Variants in SRSF9 observed in about 807,000 individuals in gnomAD.
The protein encoded by SRSF9 is serine/arginine-rich splicing factor 9.
Under a neutral mutation model 25.9 loss-of-function variants are expected in SRSF9, and 3 were observed. The ratio of observed to expected loss-of-function variants is 0.12; its 90% CI spans 0.05 to 0.30. SRSF9 has a LOEUF of 0.30. Ranked by LOEUF, SRSF9 falls within the 10% of genes least tolerant of loss-of-function variation. The probability of loss-of-function intolerance (pLI) is 1.00; values close to 1 mark genes in which losing one functional copy is unlikely to be tolerated. For missense variants in SRSF9, 161 were observed against 303.5 expected, an observed-to-expected ratio of 0.53 and a Z score of 3.49; for synonymous variants, 114 against 113.2, an observed-to-expected ratio of 1.01 and a Z score of -0.05.
At chr12:120,466,776 TC>T (rs1471893395) in intron 1 of SRSF9, among the ~76,000 whole-genome samples, 1 of 152,134 alleles carries the variant, frequency 6.6e-6, no homozygotes, top group East Asian at 1.9e-4. Context: ...GCTCAGGCGA[TC>T]CTTCCCCTCA....
At chr12:120,466,601 A>AG (rs1189957441) in intron 1 of SRSF9, among the ~76,000 whole-genome samples, 1 of 151,936 alleles carries the variant, frequency 6.6e-6, no homozygotes, top group Non-Finnish European at 1.5e-5. Context: ...CAGTGGCTGG[A>AG]GCATAACTCA....
intron 1 of SRSF9, among the ~76,000 whole-genome samples, chr12:120,467,748 G>A (rs1878512763): frequency 6.6e-6 from 1 of 151,520 alleles, no homozygotes; most frequent in East Asian, 2.0e-4. Flanking sequence ...AGATGACAAT[G>A]TAGCGTATCA....
intron 1 of SRSF9, among the ~76,000 whole-genome samples, chr12:120,468,469 CTT>C (rs1267138585): frequency 3.3e-5 from 5 of 152,316 alleles, no homozygotes; most frequent in Admixed American, 1.3e-4. Flanking sequence ...AGAGTCGACT[CTT>C]CAGCCATCAA....
In SRSF9 at chr12:120,463,960, C is replaced by A; in HGVS notation, c.512G>T (p.Arg171Leu). 6.2e-7 allele frequency: 1 copy of A among 1,609,172 alleles called. No individual in the cohort carries two copies. The highest frequency in any genetic ancestry group is 8.5e-7 in the Non-Finnish European group (1 of 1,177,442). Residue 171 changes from arginine to leucine, a missense_variant, in exon 3 of 4, where the codon CGC (arginine) becomes CTC (leucine). Arg to Leu is a moderately radical substitution (Grantham distance 102). This residue lies in a region of SRSF9 where 41 missense variants were observed against 126.7 expected (regional missense o/e 0.32). Transcript: ENST00000229390. ...AAGGCAAGGACCCACCTCATGAGAG[C>A]GGAATTTGGTGTCATCCAGTTTACG... Reference protein sequence around the residue: ...ALRKLDDTKFRSHEGETSYIR... With the variant: ...ALRKLDDTKFLSHEGETSYIR...
chr12:120,462,270 G>T, intron 3 of SRSF9, 108 bp from the exon 4 acceptor site: 1 of 1,213,838 alleles, frequency 8.2e-7, no homozygotes, highest in Non-Finnish European at 1.1e-6. Context: ...CACTTACTGT[G>T]TACTCTGTGC....
intron 2 of SRSF9, chr12:120,465,297 G>A (rs1878457559): frequency 5.5e-6 from 1 of 181,110 alleles, no homozygotes; most frequent in Non-Finnish European, 1.1e-5. Flanking sequence ...CTCCTTGAAT[G>A]CCTTTCTACC....
chr12:120,462,470 A>C, intron 3 of SRSF9: 1 of 224,522 alleles, frequency 4.5e-6, no homozygotes, highest in Non-Finnish European at 8.9e-6. Flanking sequence ...ACTGCCATTG[A>C]CCCCCCTCAA....
In SRSF9 at chr12:120,469,416, C is replaced by T. The variant is rs781779805; in HGVS notation, c.188+6G>A. On this transcript the variant is annotated splice_donor_region_variant and intron_variant, in intron 1 of 3. Coordinates refer to ENST00000229390, the MANE Select transcript of SRSF9 (RefSeq NM_003769.3). The stretch of plus-strand genomic sequence containing the variant: ...GGAGGAGAGGGCAGGGGCGCGGGGG[C>T]CTCACCGGGGGTCCTCGAAGCGCAC... 7.6e-6 allele frequency: 12 copies of T among 1,576,928 alleles called. No homozygotes were observed. In the East Asian group the frequency reaches 1.7e-4, roughly 23 times the overall value.
chr12:120,466,222 G>A (rs534574662), intron 1 of SRSF9, among the ~76,000 whole-genome samples: 20 of 152,268 alleles, frequency 1.3e-4, no homozygotes, highest in African/African-American at 4.1e-4. Flanking sequence ...GAAATAAAAA[G>A]TAGGCGGTTA....
chr12:120,466,914 C>G (rs1328989929), intron 1 of SRSF9, among the ~76,000 whole-genome samples: 1 of 152,100 alleles, frequency 6.6e-6, no homozygotes, highest in Admixed American at 6.5e-5. Context: ...ACAATTTTGC[C>G]AAAAGAGATA....
chr12:120,465,933 G>C, intron 1 of SRSF9, 146 bp from the exon 2 acceptor site: 1 of 754,264 alleles, frequency 1.3e-6, no homozygotes, highest in Non-Finnish European at 2.0e-6. Flanking sequence ...GGATCCTGAA[G>C]CACTTCTGCT....
At position 120,469,698 on chromosome 12, in the gene SRSF9, C is replaced by T. The variant is rs1170192897; in HGVS notation, c.-89G>A. 13 of 858,978 alleles carry T rather than the reference C, an allele frequency of 1.5e-5. No individual in the cohort carries two copies. Among genetic ancestry groups the T allele is most frequent in the East Asian group, 4.5e-5 (1 of 22,464 alleles). 53.2% of individuals were successfully genotyped at this position (858,978 alleles called of 1,614,324 possible). A position where few individuals can be genotyped will look rare whatever the true frequency, so the allele number is the denominator to read the frequency against. ...CCCCCCGCAGCGTCCCCGCGGGCTC[C>T]GAGGCGCTCAGCCGCACTGCATTGT... On this transcript the variant is annotated 5_prime_UTR_variant, in exon 1 of 4. Transcript: ENST00000229390.
rs549488851 is a variant in SRSF9 at position 120,464,399 on chromosome 12, G to A, written c.350-277C>T. The A allele has an allele frequency of 1.3e-5, 4 of 303,706 alleles. No individual in the cohort carries two copies. In the East Asian group the frequency reaches 2.2e-4, roughly 17 times the overall value. 18.8% of individuals were successfully genotyped at this position (303,706 alleles called of 1,614,324 possible). A position where few individuals can be genotyped will look rare whatever the true frequency, so the allele number is the denominator to read the frequency against. On this transcript the variant is annotated intron_variant, in intron 2 of 3. Coordinates refer to ENST00000229390, the MANE Select transcript of SRSF9 (RefSeq NM_003769.3). ...CCCATTACAGGTTTAGTATCTTTGAGAATTCATAGCCTCTTTCTTTGTCCT... is the reference window on the plus strand; with the variant it reads ...CCCATTACAGGTTTAGTATCTTTGAAAATTCATAGCCTCTTTCTTTGTCCT...
chr12:120,468,199 G>A (rs1015279740), intron 1 of SRSF9, among the ~76,000 whole-genome samples: 18 of 151,480 alleles, frequency 1.2e-4, no homozygotes, highest in South Asian at 2.1e-4. Context: ...TTGATCCGCT[G>A]AGACGGGAGA....
chr12:120,464,453 T>A (rs1221008269), intron 2 of SRSF9: 1 of 194,408 alleles, frequency 5.1e-6, no homozygotes, highest in African/African-American at 2.3e-5. Context: ...TCCTAATACT[T>A]TGAGTTCCAA....
Position 120,465,694 on chromosome 12 carries a change from AC to A in SRSF9, c.281del (p.Gly94ValfsTer34). 1 of 1,604,402 alleles carries A rather than the reference AC, an allele frequency of 6.2e-7. No individual in the cohort carries two copies. The highest frequency in any genetic ancestry group is 8.5e-7 in the Non-Finnish European group (1 of 1,176,958). ...VEFPRTYGGR[G>X]GWPRGGRNGP... ...CATTCCTCCCACCACGGGGCCACCC[AC>A]CCCGACCTCCATAAGTCCTGGGGAA... On this transcript the variant is annotated frameshift_variant, in exon 2 of 4. Transcript: ENST00000229390. LOFTEE classifies it high-confidence loss of function.
rs1428664705 is a variant in SRSF9, at chr12:120,469,611, C to A, written c.-2G>T. The A allele has an allele frequency of 5.5e-6, 8 of 1,452,802 alleles. No individual in the cohort carries two copies. The highest frequency in any genetic ancestry group is 6.3e-6 in the Non-Finnish European group (7 of 1,103,526). The allele number at this position is 1,452,802 out of a possible 1,614,324, so 90.0% of individuals were successfully genotyped here. A position where few individuals can be genotyped will look rare whatever the true frequency, so the allele number is the denominator to read the frequency against. On this transcript the variant is annotated 5_prime_UTR_variant, in exon 1 of 4. Transcript: ENST00000229390. The stretch of plus-strand genomic sequence containing the variant: ...GCGCTCGTCCGCCCAGCCCGACATC[C>A]GCACCGCCCGACGCCGCGGGCCCGC...
intron 1 of SRSF9, among the ~76,000 whole-genome samples, chr12:120,467,060 T>C (rs1005241255): frequency 2.6e-5 from 4 of 152,188 alleles, no homozygotes; most frequent in Admixed American, 6.5e-5. Flanking sequence ...AATGTGCTAA[T>C]GAAGGCATTG....
chr12:120,462,327 G>A, intron 3 of SRSF9, 165 bp from the exon 4 acceptor site: 1 of 601,904 alleles, frequency 1.7e-6, no homozygotes, highest in East Asian at 3.2e-5. Context: ...TATGAGGTAG[G>A]TACTCTTACT....
Sources: gnomAD v4.1 joint callset for allele counts (sites outside exome capture counted in the v4.1 genomes callset) on GRCh38, gnomAD v4.1.1 for gene constraint, gnomAD v4.1.1 regional missense constraint, MANE v1.5 for transcripts, NCBI Gene and HGNC (gene_info 2026-07-23, HGNC 2026-07-21) for gene names.